MRPS27: variants seen among roughly 807,000 people sequenced by gnomAD.
The protein encoded by MRPS27 is small ribosomal subunit protein mS27.
In MRPS27, 43 loss-of-function variants were observed where a neutral mutation model predicts 48.9. The ratio of observed to expected loss-of-function variants is 0.88; its 90% CI spans 0.69 to 1.13. The LOEUF (loss-of-function observed/expected upper bound fraction) is 1.13, where lower values mean the gene tolerates loss of function less well. MRPS27 is among the 50% of genes most tolerant of loss of function. The pLI is 0.00. For synonymous variants in MRPS27, 188 were observed against 171.9 expected, an observed-to-expected ratio of 1.09 and a Z score of -0.73; for missense variants, 467 against 476.3, an observed-to-expected ratio of 0.98 and a Z score of 0.18.
intron 3 of MRPS27, among the ~76,000 whole-genome samples, chr5:72,296,511 C>T (rs948215194): frequency 3.9e-5 from 6 of 152,226 alleles, no homozygotes; most frequent in Admixed American, 6.5e-5. Context: ...GCACTGGCCT[C>T]GAAGAGTATA....
chr5:72,240,239 C>G (rs1748311913), intron 4 of MRPS27, among the ~76,000 whole-genome samples: 1 of 152,088 alleles, frequency 6.6e-6, no homozygotes, highest in Non-Finnish European at 1.5e-5. Flanking sequence ...TGTAAATTTC[C>G]TTTTCAGGGC....
At chr5:72,285,566 G>A (rs1580098906) in intron 4 of MRPS27, among the ~76,000 whole-genome samples, 1 of 152,110 alleles carries the variant, frequency 6.6e-6, no homozygotes, top group South Asian at 2.1e-4. Flanking sequence ...GCAGTGGCTC[G>A]ATCATAGCTC....
At position 72,219,434 on chromosome 5, in the gene MRPS27, G is replaced by T. The variant is rs1433744218; in HGVS notation, c.*1475C>A. 2.0e-5 allele frequency: 3 copies of T among 152,142 alleles called. No homozygotes were observed. Among genetic ancestry groups the T allele is most frequent in the African/African-American group, 7.2e-5 (3 of 41,432 alleles). 9.4% of individuals were successfully genotyped at this position (152,142 alleles called of 1,614,324 possible). On this transcript the variant is annotated 3_prime_UTR_variant, in exon 11 of 11. Coordinates refer to ENST00000261413, the MANE Select transcript of MRPS27 (RefSeq NM_015084.3). ...TTACAATAAATCCCATAGTTTAATG[G>T]GGGAGGGTTTAAAGTACACTCCTCA...
intron 4 of MRPS27, among the ~76,000 whole-genome samples, chr5:72,282,788 C>T (rs535865267): frequency 6.6e-6 from 1 of 152,230 alleles, no homozygotes; most frequent in East Asian, 1.9e-4. Context: ...ACTTCTCATA[C>T]CACAAAATTT....
chr5:72,312,319 A>G (rs1004967053), intron 2 of MRPS27, among the ~76,000 whole-genome samples: 1 of 152,118 alleles, frequency 6.6e-6, no homozygotes, highest in Admixed American at 6.5e-5. Context: ...GCAACTCTAT[A>G]TTGAGGGAAG....
At chr5:72,245,656 AGTT>A (rs1748493499) in intron 4 of MRPS27, among the ~76,000 whole-genome samples, 1 of 152,216 alleles carries the variant, frequency 6.6e-6, no homozygotes, top group Non-Finnish European at 1.5e-5. Context: ...GGCTTAGTGA[AGTT>A]GTCAGGATTA....
chr5:72,226,066 A>G lies in MRPS27; in HGVS notation c.828T>C (p.Cys276=), dbSNP rs776360789. The change falls in exon 9 of 11, where the codon TGT becomes TGC. Residue 276 remains cysteine (C), a synonymous_variant. Coordinates refer to ENST00000261413, the MANE Select transcript of MRPS27 (RefSeq NM_015084.3). Reference sequence around the variant, plus strand: ...GAGCTGAAGAACATACCGCTTCTCTACACAGCTTTATGTCTTCTGGGGAGG... The same window carrying G: ...GAGCTGAAGAACATACCGCTTCTCTGCACAGCTTTATGTCTTCTGGGGAGG... ...VAASPEDIKL[C]REALDVLGAV... 25 of 1,613,462 alleles carry G rather than the reference A, an allele frequency of 1.5e-5. No individual in the cohort carries two copies. In the South Asian group the frequency reaches 2.3e-4, roughly 15 times the overall value.
intron 4 of MRPS27, among the ~76,000 whole-genome samples, chr5:72,253,080 G>A (rs927574358): frequency 1.3e-5 from 2 of 152,176 alleles, no homozygotes; most frequent in African/African-American, 4.8e-5. Flanking sequence ...TGGGAATCAT[G>A]CTGCTTCTCA....
intron 4 of MRPS27, among the ~76,000 whole-genome samples, chr5:72,283,596 C>A (rs1749585940): frequency 6.6e-6 from 1 of 152,160 alleles, no homozygotes; most frequent in Non-Finnish European, 1.5e-5. Context: ...TGCCAATACA[C>A]CAGGAAGACC....
At chr5:72,291,290 C>A (rs1252519574) in intron 4 of MRPS27, among the ~76,000 whole-genome samples, 1 of 152,136 alleles carries the variant, frequency 6.6e-6, no homozygotes, top group African/African-American at 2.4e-5. Flanking sequence ...AGCAAAAGAA[C>A]CTATTTTTCA....
intron 7 of MRPS27, among the ~76,000 whole-genome samples, chr5:72,232,037 C>T (rs1748076007): frequency 6.6e-6 from 1 of 152,146 alleles, no homozygotes; most frequent in African/African-American, 2.4e-5. Context: ...TCTAGACTTT[C>T]CAAAACGGAA....
At chr5:72,304,161 T>C (rs1750196077) in intron 2 of MRPS27, among the ~76,000 whole-genome samples, 1 of 151,952 alleles carries the variant, frequency 6.6e-6, no homozygotes, top group Non-Finnish European at 1.5e-5. Flanking sequence ...TTAAGCTAGA[T>C]ATGCATTTTA....
intron 4 of MRPS27, among the ~76,000 whole-genome samples, chr5:72,253,656 C>T (rs1200039793): frequency 6.6e-6 from 1 of 151,986 alleles, no homozygotes; most frequent in Admixed American, 6.5e-5. Context: ...AAATATTTTA[C>T]TGAAAATATT....
chr5:72,303,419 T>A (rs530174193), intron 2 of MRPS27, among the ~76,000 whole-genome samples: 9 of 151,986 alleles, frequency 5.9e-5, no homozygotes, highest in Non-Finnish European at 1.2e-4. Context: ...AAATGAGAAC[T>A]GTAAAAGAGC....
At chr5:72,278,955 T>A (rs4703817) in intron 4 of MRPS27, among the ~76,000 whole-genome samples, 12,871 of 152,252 alleles carry the variant, frequency 0.085, 733 homozygotes, top group East Asian at 0.13. Context: ...AAATGAACAG[T>A]CTTATAACTT....
chr5:72,232,598 G>T, intron 6 of MRPS27, 40 bp from the exon 7 acceptor site: 1 of 1,364,874 alleles, frequency 7.3e-7, no homozygotes, highest in Non-Finnish European at 1.0e-6. Context: ...GAAATTAGTT[G>T]TAGGTAATAT....
intron 4 of MRPS27, among the ~76,000 whole-genome samples, chr5:72,284,802 A>T (rs1749628954): frequency 6.6e-6 from 1 of 152,230 alleles, no homozygotes; most frequent in Non-Finnish European, 1.5e-5. Context: ...TACATTTCAC[A>T]ATTTATTCAA....
At chr5:72,302,924 C>T (rs149523214) in intron 2 of MRPS27, among the ~76,000 whole-genome samples, 130 of 152,290 alleles carry the variant, frequency 8.5e-4, no homozygotes, top group African/African-American at 3.0e-3. Flanking sequence ...ACACTTGTCC[C>T]CTGAAGATTA....
intron 4 of MRPS27, among the ~76,000 whole-genome samples, chr5:72,247,043 A>G (rs1476769570): frequency 6.6e-6 from 1 of 152,188 alleles, no homozygotes; most frequent in African/African-American, 2.4e-5. Flanking sequence ...AAGTCACTTG[A>G]TCCTTCAGGG....
Sources: allele counts gnomAD v4.1 joint callset (sites outside exome capture counted in the v4.1 genomes callset), GRCh38; gene constraint gnomAD v4.1.1; transcripts MANE v1.5; gene names NCBI Gene and HGNC (gene_info 2026-07-23, HGNC 2026-07-21).